Variants in ORC3 observed in about 807,000 individuals in gnomAD.
ORC3 encodes origin recognition complex subunit 3.
ORC3 carries 78 observed loss-of-function variants against 100.7 expected under a neutral mutation model. That is an observed-to-expected ratio of 0.77 (90% CI 0.65 to 0.94). ORC3 has a LOEUF of 0.94. ORC3 is among the 40% of genes least tolerant of loss of function. The pLI is 0.00. For missense variants in ORC3, 789 were observed against 823.9 expected, an observed-to-expected ratio of 0.96 and a Z score of 0.52; for synonymous variants, 295 against 289.3, an observed-to-expected ratio of 1.02 and a Z score of -0.20.
chr6:87,671,987 G>T (rs931070837), downstream of ORC3, among the ~76,000 whole-genome samples: 24 of 152,134 alleles, frequency 1.6e-4, 1 homozygote, highest in African/African-American at 5.6e-4. Flanking sequence ...GATATCAGAA[G>T]TTAAAATTAA....
Position 87,621,710 on chromosome 6 carries a change from A to G in ORC3, c.1121+223A>G, listed in dbSNP as rs546882656. 3.9e-5 allele frequency among the ~76,000 whole-genome samples: 6 copies of G among 152,266 alleles called. No individual in the cohort carries two copies. In the East Asian group the frequency reaches 7.7e-4, roughly 20 times the overall value. ...TCCAGAGTTACTTTTTAGAAATAAC[A>G]TTTCCTATTCCTGGGGTTTATGGCC... On this transcript the variant is annotated intron_variant, in intron 10 of 19. Transcript: ENST00000392844.
intron 1 of ORC3, among the ~76,000 whole-genome samples, chr6:87,592,657 A>C (rs1777119187): frequency 6.6e-6 from 1 of 152,166 alleles, no homozygotes; most frequent in Non-Finnish European, 1.5e-5. Flanking sequence ...AATCTAAGGC[A>C]CAGTTCTTAA....
At chr6:87,646,683 T>G (rs1466025759) in intron 13 of ORC3, among the ~76,000 whole-genome samples, 2 of 151,528 alleles carry the variant, frequency 1.3e-5, no homozygotes, top group Admixed American at 6.5e-5. Context: ...AGGACTTTCT[T>G]GGTTTTTCTC....
intron 19 of ORC3, among the ~76,000 whole-genome samples, chr6:87,666,435 CTT>C (rs398002192): frequency 1.6e-4 from 16 of 97,636 alleles, no homozygotes; most frequent in Admixed American, 3.4e-4. Flanking sequence ...CGGCCTAATT[CTT>C]TTTTTTTTTT....
chr6:87,663,013 C>T lies in ORC3; in HGVS notation c.1702C>T (p.Leu568=), dbSNP rs766276455. 1.2e-6 allele frequency: 2 copies of T among 1,604,386 alleles called. No individual in the cohort carries two copies. Among genetic ancestry groups the T allele is most frequent in the South Asian group, 2.2e-5 (2 of 89,468 alleles). Residue 568 remains leucine, a synonymous_variant, in exon 17 of 20, where the codon CTG becomes TTG. Coordinates refer to ENST00000392844, the MANE Select transcript of ORC3 (RefSeq NM_012381.4). The part of the protein sequence containing the change: ...FIDCLVREYL[L]PPETQPLHEV... ...GACTGGCTGTTTCAGAGAATACCTT[C>T]TGCCTCCTGAGACACAGCCTCTCCA...
chr6:87,630,409 A>G (rs765172557), intron 11 of ORC3, among the ~76,000 whole-genome samples: 5 of 152,316 alleles, frequency 3.3e-5, no homozygotes, highest in Middle Eastern at 3.4e-3. Context: ...TCAAAAATTA[A>G]AAATAAATAA....
chr6:87,610,851 C>CTAAT (rs1554239242), intron 7 of ORC3, among the ~76,000 whole-genome samples: 2 of 133,366 alleles, frequency 1.5e-5, no homozygotes, highest in African/African-American at 3.1e-5. Context: ...CCGCGCCCGG[C>CTAAT]CTACTAATAT....
At chr6:87,602,181 G>A (rs1200052808) in intron 3 of ORC3, among the ~76,000 whole-genome samples, 7 of 151,734 alleles carry the variant, frequency 4.6e-5, no homozygotes, top group East Asian at 3.9e-4. Flanking sequence ...GCAGTGAGCC[G>A]AGATAGTACC....
the ORC3 span, chr6:87,676,012 T>TA: frequency 1.7e-6 from 2 of 1,178,056 alleles, no homozygotes; most frequent in East Asian, 4.7e-5. Context: ...AAATATACAG[T>TA]AAAACAATTC....
chr6:87,599,511 G>A (rs1777729236), intron 2 of ORC3, among the ~76,000 whole-genome samples: 1 of 151,948 alleles, frequency 6.6e-6, no homozygotes, highest in Non-Finnish European at 1.5e-5. Context: ...GGGACTACAG[G>A]TGTATGCCAC....
chr6:87,610,457 C>T (rs1778660787), intron 7 of ORC3, among the ~76,000 whole-genome samples: 1 of 152,062 alleles, frequency 6.6e-6, no homozygotes, highest in Admixed American at 6.6e-5. Context: ...GATCTGCCTT[C>T]CTTAGTGCTC....
chr6:87,622,797 C>T (rs1779629412), intron 11 of ORC3, among the ~76,000 whole-genome samples: 1 of 152,074 alleles, frequency 6.6e-6, no homozygotes, highest in African/African-American at 2.4e-5. Context: ...CACCTTGTTT[C>T]ATTTTGTACT....
intron 2 of ORC3, among the ~76,000 whole-genome samples, chr6:87,598,210 G>A (rs563496296): frequency 1.3e-5 from 2 of 151,520 alleles, no homozygotes; most frequent in African/African-American, 2.4e-5. Flanking sequence ...TTTTTTTTAA[G>A]GTGAGATCTC....
rs750764404 is a variant in ORC3, at chr6:87,603,375, T to G, written c.178-9T>G. On this transcript the variant is annotated splice_polypyrimidine_tract_variant and intron_variant, in intron 3 of 19. Coordinates refer to ENST00000392844, the MANE Select transcript of ORC3 (RefSeq NM_012381.4). ...CTAATAATAATAAGTTTTTGTGTGTTCTTTGTAGCGACTACAAGAGGAATT... is the reference window on the plus strand; with the variant it reads ...CTAATAATAATAAGTTTTTGTGTGTGCTTTGTAGCGACTACAAGAGGAATT... 1.5e-5 allele frequency: 21 copies of G among 1,419,998 alleles called. No homozygotes were observed. The highest frequency in any genetic ancestry group is 7.5e-5 in the Admixed American group (4 of 53,398). 88.0% of individuals were successfully genotyped at this position (1,419,998 alleles called of 1,614,324 possible).
At chr6:87,591,389 TA>T (rs75781438) in intron 1 of ORC3, among the ~76,000 whole-genome samples, 49,024 of 151,906 alleles carry the variant, frequency 0.32, 7,980 homozygotes, top group Admixed American at 0.41. Context: ...TAAAACGGTT[TA>T]TGAGAAGCAG....
At chr6:87,653,678 A>G (rs1411555199) in intron 14 of ORC3, among the ~76,000 whole-genome samples, 1 of 152,222 alleles carries the variant, frequency 6.6e-6, no homozygotes, top group Non-Finnish European at 1.5e-5. Flanking sequence ...ATTAATAGCT[A>G]TGAACTGCTT....
chr6:87,655,042 TTAA>T (rs1769562453), intron 14 of ORC3, among the ~76,000 whole-genome samples: 1 of 152,212 alleles, frequency 6.6e-6, no homozygotes, highest in Admixed American at 6.5e-5. Context: ...TGACTCATTA[TTAA>T]TAATAAACTG....
Position 87,636,456 on chromosome 6 carries a change from A to G in ORC3, c.1352A>G (p.Glu451Gly), listed in dbSNP as rs757554841. The G allele has an allele frequency of 6.2e-7, 1 of 1,611,978 alleles. No homozygotes were observed. The highest frequency in any genetic ancestry group is 1.1e-5 in the South Asian group (1 of 91,024). Residue 451 changes from glutamate to glycine, a missense_variant, in exon 13 of 20, where the codon GAG (glutamate) becomes GGG (glycine). Around this residue, in one of 3 missense-constraint regions of ORC3, gnomAD observed 366 missense variants for 394.2 expected, o/e 0.93. Transcript: ENST00000392844. ...TCLEKNIWDS[E>G]EYASVLQLLR... is the part of the protein sequence containing the mutation. The stretch of plus-strand genomic sequence containing the variant: ...TTAGAAAAGAACATATGGGATTCAG[A>G]GGAGTATGCATCAGTCTTGCAGCTG...
chr6:87,676,447 CAAAAA>C, the ORC3 span, among the ~76,000 whole-genome samples: 357 of 41,902 alleles, frequency 8.5e-3, 1 homozygote, highest in African/African-American at 0.03. Flanking sequence ...GCCTGGGCAA[CAAAAA>C]AAAAAAAAAA....
Sources: allele counts gnomAD v4.1 joint callset (sites outside exome capture counted in the v4.1 genomes callset), GRCh38; gene constraint gnomAD v4.1.1; regional missense constraint gnomAD v4.1.1; transcripts MANE v1.5; gene names NCBI Gene and HGNC (gene_info 2026-07-23, HGNC 2026-07-21).